Variants in OR8D4 observed in about 807,000 individuals in gnomAD.
OR8D4 encodes olfactory receptor 8D4.
For missense variants in OR8D4, 359 were observed against 372.6 expected (o/e 0.96, Z 0.30); for synonymous variants, 141 against 134.8 (o/e 1.05, Z -0.32).
chr11:123,907,083 T>C lies in OR8D4; in HGVS notation c.652T>C (p.Tyr218His), dbSNP rs925031936. 5 of 1,614,092 alleles carry C rather than the reference T, an allele frequency of 3.1e-6. No homozygotes were observed. The Admixed American group carries it at 6.7e-5, about 22-fold the overall frequency. Reference sequence around the variant, plus strand: ...CACAAGCCTAACAATCATTATTTCATATGCTTTTATCCTCACCAGCATCCT... The same window carrying C: ...CACAAGCCTAACAATCATTATTTCACATGCTTTTATCCTCACCAGCATCCT... ...VATSLTIIIS[Y>H]AFILTSILRI... is the part of the protein sequence containing the mutation. Residue 218 changes from tyrosine (Y) to histidine (H), a missense_variant, in exon 2 of 2, where the codon TAT (tyrosine) becomes CAT (histidine). Coordinates refer to ENST00000641687, the MANE Select transcript of OR8D4 (RefSeq NM_001005197.2).
Position 123,905,057 on chromosome 11 carries a change from A to G in OR8D4, c.-15-1360A>G, listed in dbSNP as rs548031188. Among the ~76,000 whole-genome samples, 3 of 152,266 alleles carry G rather than the reference A, an allele frequency of 2.0e-5. No individual in the cohort carries two copies. The East Asian group carries it at 5.8e-4, about 29-fold the overall frequency. ...GGAGCCTCCAAGTGGCAACAAAAAC[A>G]TCTGGGTTGCTTGCATTGCCAGTAG... On this transcript the variant is annotated intron_variant, in intron 1 of 1. Coordinates refer to ENST00000641687, the MANE Select transcript of OR8D4 (RefSeq NM_001005197.2).
In OR8D4 at chr11:123,906,791, C is replaced by T. The variant is rs10893102; in HGVS notation, c.360C>T (p.Cys120=). The T allele has an allele frequency of 0.32, 510,399 of 1,613,298 alleles. 83,042 individuals are homozygous for T. The highest frequency in any genetic ancestry group is 0.36 in the Admixed American group (21,842 of 59,972). Residue 120 remains cysteine, a synonymous_variant, in exon 2 of 2, where the codon TGC becomes TGT. Transcript: ENST00000641687. ...SECYMLAAMA[C]DRYVAICSPL... ...GCTACATGCTGGCAGCCATGGCCTG[C>T]GATCGCTACGTGGCCATCTGCAGCC...
rs1479237898 is a variant in OR8D4, at chr11:123,903,139, T to A, written c.-16+882T>A. Reference sequence around the variant, plus strand: ...CTAAAAGAAATATTTACTTAGCATTTACATTATATTAGGTATTATAAGTAA... The same window carrying A: ...CTAAAAGAAATATTTACTTAGCATTAACATTATATTAGGTATTATAAGTAA... On this transcript the variant is annotated intron_variant, in intron 1 of 1. Transcript: ENST00000641687. 5.3e-5 allele frequency among the ~76,000 whole-genome samples: 8 copies of A among 152,100 alleles called. 1 individual carries two copies. Among genetic ancestry groups the A allele is most frequent in the South Asian group, 4.2e-4 (2 of 4,814 alleles).
chr11:123,902,913 A>G (rs1040839021), intron 1 of OR8D4, among the ~76,000 whole-genome samples: 8 of 152,158 alleles, frequency 5.3e-5, no homozygotes, highest in African/African-American at 1.9e-4. Context: ...AATGTAAAAT[A>G]TCTCATTATT....
intron 1 of OR8D4, among the ~76,000 whole-genome samples, chr11:123,903,172 A>G (rs1183470377): frequency 1.4e-5 from 2 of 141,022 alleles, no homozygotes; most frequent in Non-Finnish European, 3.0e-5. Context: ...TAATCTAGAG[A>G]TGATTTAAAG....
In OR8D4 at chr11:123,906,614, T is replaced by C; in HGVS notation, c.183T>C (p.Tyr61=). 6.2e-7 allele frequency: 1 copy of C among 1,613,990 alleles called. No individual in the cohort carries two copies. Among genetic ancestry groups the C allele is most frequent in the Non-Finnish European group, 8.5e-7 (1 of 1,179,842 alleles). Residue 61 remains tyrosine, a synonymous_variant, in exon 2 of 2, where the codon TAT becomes TAC. Coordinates refer to ENST00000641687, the MANE Select transcript of OR8D4 (RefSeq NM_001005197.2). ...LNRQLHTPMY[Y]FLSSLSFLDF... ...GTCAACTTCATACCCCCATGTACTA[T>C]TTCCTGAGTAGTTTGTCTTTTTTAG...
rs1863199714 is a variant in OR8D4 at position 123,906,525 on chromosome 11, T to C, written c.94T>C (p.Leu32=). The stretch of plus-strand genomic sequence containing the variant: ...TCAGCTGCCCCTCTTCTGCCTCTTC[T>C]TAGGAATTTACACAGTTACTGTGGT... ...ELQLPLFCLF[L]GIYTVTVVGN... is the part of the protein sequence containing the mutation. The change falls in exon 2 of 2, where the codon TTA becomes CTA. Residue 32 remains leucine (L), a synonymous_variant. Coordinates refer to ENST00000641687, the MANE Select transcript of OR8D4 (RefSeq NM_001005197.2). 6 of 1,613,900 alleles carry C rather than the reference T, an allele frequency of 3.7e-6. No homozygotes were observed. The highest frequency in any genetic ancestry group is 5.1e-6 in the Non-Finnish European group (6 of 1,179,860).
rs758778599 is a variant in OR8D4, at chr11:123,903,223, G to C, written c.-16+966G>C. ...GCTTAGTTAGGTTACATAAAAATAC[G>C]ACACCATTTTAAATCAGGGACTTGA... On this transcript the variant is annotated intron_variant, in intron 1 of 1. Transcript: ENST00000641687. Among the ~76,000 whole-genome samples the C allele has an allele frequency of 6.6e-4, 101 of 152,092 alleles. 1 individual carries two copies. Among genetic ancestry groups the C allele is most frequent in the Middle Eastern group, 3.4e-3 (1 of 294 alleles).
In OR8D4 at chr11:123,907,416, A is replaced by T. The variant is rs1863214197; in HGVS notation, c.*40A>T. The T allele has an allele frequency of 1.2e-6, 1 of 825,344 alleles. No homozygotes were observed. Among genetic ancestry groups the T allele is most frequent in the Non-Finnish European group, 1.9e-6 (1 of 523,524 alleles). 51.1% of individuals were successfully genotyped at this position (825,344 alleles called of 1,614,324 possible). A position where few individuals can be genotyped will look rare whatever the true frequency, so the allele number is the denominator to read the frequency against. ...AAGATCTATTTCTGTATTCATAATC[A>T]TGATTATATGTATATATTTATACCT... On this transcript the variant is annotated 3_prime_UTR_variant, in exon 2 of 2. Transcript: ENST00000641687.
In OR8D4 at chr11:123,906,971, C is replaced by T. The variant is rs750194266; in HGVS notation, c.540C>T (p.Asp180=). The part of the protein sequence containing the change: ...GSNIIKHYFC[D]IVPLIKLSCS... ...ACATCATTAAACATTATTTCTGTGA[C>T]ATTGTCCCTCTTATTAAACTCTCCT... Residue 180 remains aspartate (D), a synonymous_variant, in exon 2 of 2, where the codon GAC becomes GAT. Transcript: ENST00000641687. 2.5e-6 allele frequency: 4 copies of T among 1,614,056 alleles called. No individual in the cohort carries two copies. In the Admixed American group the frequency reaches 6.7e-5, roughly 27 times the overall value.
Position 123,907,068 on chromosome 11 carries a change from A to C in OR8D4, c.637A>C (p.Thr213Pro), listed in dbSNP as rs778174952. ...ATTTAACATGGTGGCCACAAGCCTA[A>C]CAATCATTATTTCATATGCTTTTAT... The part of the protein sequence containing the change: ...GGFNMVATSL[T>P]IIISYAFILT... The change falls in exon 2 of 2, where the codon ACA becomes CCA. Residue 213 changes from threonine to proline, a missense_variant. Coordinates refer to ENST00000641687, the MANE Select transcript of OR8D4 (RefSeq NM_001005197.2). The C allele has an allele frequency of 1.4e-5, 22 of 1,613,944 alleles. No individual in the cohort carries two copies. In the South Asian group the frequency reaches 2.3e-4, roughly 17 times the overall value.
At position 123,906,650 on chromosome 11, in the gene OR8D4, T is replaced by G; in HGVS notation, c.219T>G (p.Tyr73Ter). 1 of 1,613,502 alleles carries G rather than the reference T, an allele frequency of 6.2e-7. No individual in the cohort carries two copies. The highest frequency in any genetic ancestry group is 8.5e-7 in the Non-Finnish European group (1 of 1,179,406). Residue 73 changes from tyrosine (Y) to a stop codon, truncating the protein, a stop_gained, in exon 2 of 2, where the codon TAT becomes TAG. Transcript: ENST00000641687. LOFTEE classifies it low-confidence loss of function (END_TRUNC). ...LSSLSFLDFCYSSVITPKMLS... is the reference protein window; with the variant it reads ...LSSLSFLDFC ...GTTTGTCTTTTTTAGATTTCTGCTA[T>G]TCTTCTGTCATTACCCCTAAAATGC... is the stretch of plus-strand genomic sequence containing the variant.
rs1265765414 is a variant in OR8D4 at position 123,907,204 on chromosome 11, T to C, written c.773T>C (p.Met258Thr). Residue 258 changes from methionine to threonine, a missense_variant, in exon 2 of 2, where the codon ATG (methionine) becomes ACG (threonine). Coordinates refer to ENST00000641687, the MANE Select transcript of OR8D4 (RefSeq NM_001005197.2). ...VLMFYGSLMS[M>T]YLKPASSSSL... is the part of the protein sequence containing the mutation. ...ATGTTTTATGGGTCTCTGATGTCCATGTATCTCAAACCTGCTTCTAGCAGT... is the reference window on the plus strand; with the variant it reads ...ATGTTTTATGGGTCTCTGATGTCCACGTATCTCAAACCTGCTTCTAGCAGT... 5.6e-6 allele frequency: 9 copies of C among 1,613,796 alleles called. No individual in the cohort carries two copies. The highest frequency in any genetic ancestry group is 2.2e-5 in the East Asian group (1 of 44,840).
At position 123,907,074 on chromosome 11, in the gene OR8D4, A is replaced by G; in HGVS notation, c.643A>G (p.Ile215Val). The G allele has an allele frequency of 1.2e-6, 2 of 1,614,070 alleles. No individual in the cohort carries two copies. The highest frequency in any genetic ancestry group is 1.7e-6 in the Non-Finnish European group (2 of 1,179,960). ...FNMVATSLTI[I>V]ISYAFILTSI... ...CATGGTGGCCACAAGCCTAACAATCATTATTTCATATGCTTTTATCCTCAC... is the reference window on the plus strand; with the variant it reads ...CATGGTGGCCACAAGCCTAACAATCGTTATTTCATATGCTTTTATCCTCAC... Residue 215 changes from isoleucine to valine, a missense_variant, in exon 2 of 2, where the codon ATT becomes GTT. Transcript: ENST00000641687.
chr11:123,907,364 ATC>A lies in OR8D4; in HGVS notation c.936_937del (p.Pro313ArgfsTer25). ...AACTTTTAAGAAGAAAAATATCTTT[ATC>A]TCCAGGATAAATATGCTCTTTATTA... is the stretch of plus-strand genomic sequence containing the variant. ...MKLLRRKISLSPG is the reference protein window; with the variant it reads ...MKLLRRKISLXPG On this transcript the variant is annotated frameshift_variant, in exon 2 of 2. Transcript: ENST00000641687. LOFTEE classifies it high-confidence loss of function. 1 of 1,249,200 alleles carries A rather than the reference ATC, an allele frequency of 8.0e-7. No individual in the cohort carries two copies. Among genetic ancestry groups the A allele is most frequent in the Non-Finnish European group, 1.1e-6 (1 of 875,912 alleles). The allele number at this position is 1,249,200 out of a possible 1,614,324, so 77.4% of individuals were successfully genotyped here.
rs1482708976 is a variant in OR8D4 at position 123,908,172 on chromosome 11, A to G, written c.*796A>G. 2 of 152,334 alleles carry G rather than the reference A, an allele frequency of 1.3e-5. No homozygotes were observed. The highest frequency in any genetic ancestry group is 6.5e-5 in the Admixed American group (1 of 15,296). The allele number at this position is 152,334 out of a possible 1,614,324, so 9.4% of individuals were successfully genotyped here. Reference sequence around the variant, plus strand: ...AGAAGATTCAACAAAGGACTAAGCTAATATGGTCTCAGTATTTGGCAGCTG... The same window carrying G: ...AGAAGATTCAACAAAGGACTAAGCTGATATGGTCTCAGTATTTGGCAGCTG... On this transcript the variant is annotated 3_prime_UTR_variant, in exon 2 of 2. Transcript: ENST00000641687.
chr11:123,905,905 C>A (rs1021129182), intron 1 of OR8D4, among the ~76,000 whole-genome samples: 2 of 152,178 alleles, frequency 1.3e-5, no homozygotes, highest in Admixed American at 6.5e-5. Flanking sequence ...TAGCTCCCTG[C>A]AACCTTGGTG....
chr11:123,902,381 G>T (rs953431630), intron 1 of OR8D4, 124 bp downstream of exon 1: 2 of 152,094 alleles, frequency 1.3e-5, no homozygotes, highest in African/African-American at 4.8e-5. Context: ...CAGAAGTTTA[G>T]GGAAGAGGCC....
At position 123,906,805 on chromosome 11, in the gene OR8D4, C is replaced by T. The variant is rs763071476; in HGVS notation, c.374C>T (p.Ala125Val). ...GCCATGGCCTGCGATCGCTACGTGG[C>T]CATCTGCAGCCCACTGCTCTACAGG... ...LAAMACDRYV[A>V]ICSPLLYRVI... Residue 125 changes from alanine to valine, a missense_variant, in exon 2 of 2, where the codon GCC becomes GTC. Ala to Val is a moderately conservative substitution (Grantham distance 64). Coordinates refer to ENST00000641687, the MANE Select transcript of OR8D4 (RefSeq NM_001005197.2). 1.2e-6 allele frequency: 2 copies of T among 1,613,778 alleles called. No homozygotes were observed. Among genetic ancestry groups the T allele is most frequent in the African/African-American group, 2.7e-5 (2 of 74,884 alleles).
Sources: gnomAD v4.1 joint callset for allele counts (sites outside exome capture counted in the v4.1 genomes callset) on GRCh38, gnomAD v4.1.1 for gene constraint, MANE v1.5 for transcripts, NCBI Gene and HGNC (gene_info 2026-07-23, HGNC 2026-07-21) for gene names.